The following SBF2 variants were observed in gnomAD, a reference collection of about 807,000 sequenced individuals.
SBF2 encodes the protein myotubularin-related protein 13.
In SBF2, 112 loss-of-function variants were observed where a neutral mutation model predicts 225.2. That is an observed-to-expected ratio of 0.50 (90% CI 0.43 to 0.58). SBF2 has a LOEUF of 0.58. SBF2 is among the 20% of genes least tolerant of loss of function. SBF2 has a pLI of 0.00. For synonymous variants in SBF2, 763 were observed against 773.3 expected (o/e 0.99, Z 0.22); for missense variants, 1,996 against 2,206.2 (o/e 0.90, Z 1.91).
At chr11:9,805,047 C>A (rs1178398998) in intron 32 of SBF2, among the ~76,000 whole-genome samples, 1 of 152,150 alleles carries the variant, frequency 6.6e-6, no homozygotes, top group Non-Finnish European at 1.5e-5. Context: ...GAGTTCAAGA[C>A]TAGCCTGGAC....
chr11:9,915,284 T>C (rs1018188449), intron 16 of SBF2, among the ~76,000 whole-genome samples: 2 of 151,770 alleles, frequency 1.3e-5, no homozygotes, highest in African/African-American at 4.8e-5. Flanking sequence ...CTATCTCTAC[T>C]AAAAATACAA....
intron 32 of SBF2, among the ~76,000 whole-genome samples, chr11:9,796,257 C>G (rs1478063403): frequency 6.6e-6 from 1 of 151,958 alleles, no homozygotes; most frequent in Non-Finnish European, 1.5e-5. Context: ...ATAGGATCAG[C>G]AAGATTAAGA....
At chr11:9,992,951 A>G (rs1565104578) in intron 11 of SBF2, 39 bp downstream of exon 11, 2 of 1,381,644 alleles carry the variant, frequency 1.4e-6, no homozygotes, top group Non-Finnish European at 2.0e-6. Context: ...AAATTAGAAT[A>G]TATTTTTTGG....
chr11:9,907,648 G>A (rs1411037614), intron 16 of SBF2, among the ~76,000 whole-genome samples: 1 of 152,200 alleles, frequency 6.6e-6, no homozygotes, highest in Non-Finnish European at 1.5e-5. Flanking sequence ...GAAGGTGAAT[G>A]CTAGGCTTGA....
chr11:9,952,608 G>C (rs1031619034), intron 16 of SBF2, among the ~76,000 whole-genome samples: 6 of 152,066 alleles, frequency 3.9e-5, no homozygotes, highest in Non-Finnish European at 5.9e-5. Flanking sequence ...CTCCTGTTCT[G>C]CCTGTGGGTT....
Position 10,225,178 on chromosome 11 carries a change from T to C in SBF2, c.56-31191A>G, listed in dbSNP as rs910582038. The stretch of plus-strand genomic sequence containing the variant: ...CCTCAGAATTAGGATGAAAAACAAC[T>C]GAACTTATATAAATTAAGAAACTCA... On this transcript the variant is annotated intron_variant, in intron 1 of 39. Coordinates refer to ENST00000256190, the MANE Select transcript of SBF2 (RefSeq NM_030962.4). 8.5e-5 allele frequency among the ~76,000 whole-genome samples: 13 copies of C among 152,244 alleles called. No individual in the cohort carries two copies. The East Asian group carries it at 2.3e-3, about 27-fold the overall frequency.
intron 17 of SBF2, 62 bp downstream of exon 17, chr11:9,895,881 A>T (rs1861210410): frequency 1.6e-6 from 2 of 1,241,494 alleles, no homozygotes; most frequent in Non-Finnish European, 2.4e-6. Flanking sequence ...TTCCATAATA[A>T]ATCAAACTGA....
intron 3 of SBF2, among the ~76,000 whole-genome samples, chr11:10,041,869 C>T (rs11828579): frequency 0.011 from 1,628 of 150,202 alleles, 32 homozygotes; most frequent in African/African-American, 0.037. Context: ...CTTCGAAGTC[C>T]CCTTTATGGT....
At chr11:9,886,147 T>G (rs901815276) in intron 17 of SBF2, among the ~76,000 whole-genome samples, 12 of 152,242 alleles carry the variant, frequency 7.9e-5, no homozygotes, top group Non-Finnish European at 1.6e-4. Context: ...ATAATTATGT[T>G]TCCTTTCTCA....
At chr11:9,797,612 C>T (rs1056162676) in intron 32 of SBF2, among the ~76,000 whole-genome samples, 5 of 152,184 alleles carry the variant, frequency 3.3e-5, no homozygotes, top group Non-Finnish European at 7.3e-5. Context: ...AGAGTTTTCT[C>T]ATCAGTGAAA....
At chr11:10,035,222 C>T (rs528737402) in intron 3 of SBF2, among the ~76,000 whole-genome samples, 30 of 152,238 alleles carry the variant, frequency 2.0e-4, no homozygotes, top group East Asian at 1.2e-3. Context: ...GATCTGCCCA[C>T]CTCGGCCTCC....
intron 28 of SBF2, chr11:9,828,521 A>G: frequency 1.0e-6 from 1 of 985,458 alleles, no homozygotes; most frequent in Non-Finnish European, 1.2e-6. Context: ...TGTTGAGCTA[A>G]TTCAAATAGC....
intron 17 of SBF2, among the ~76,000 whole-genome samples, chr11:9,889,867 T>A (rs1590343535): frequency 6.6e-6 from 1 of 152,300 alleles, no homozygotes; most frequent in East Asian, 1.9e-4. Flanking sequence ...GGTTTCTTTT[T>A]GGGGTGACAG....
chr11:9,888,160 A>G (rs1181400725), intron 17 of SBF2, among the ~76,000 whole-genome samples: 1 of 152,164 alleles, frequency 6.6e-6, no homozygotes, highest in Non-Finnish European at 1.5e-5. Context: ...TGAAATACAA[A>G]AGTGTATTTA....
intron 17 of SBF2, among the ~76,000 whole-genome samples, chr11:9,882,087 T>C (rs1859814725): frequency 6.6e-6 from 1 of 152,186 alleles, no homozygotes; most frequent in Non-Finnish European, 1.5e-5. Context: ...TTGTTAAACA[T>C]GCAATTCGGA....
intron 3 of SBF2, among the ~76,000 whole-genome samples, chr11:10,034,612 C>T (rs1949369504): frequency 6.6e-6 from 1 of 152,130 alleles, no homozygotes; most frequent in Admixed American, 6.5e-5. Context: ...TCATTTTTAA[C>T]AATACTGTAT....
intron 16 of SBF2, among the ~76,000 whole-genome samples, chr11:9,955,268 C>T (rs912264655): frequency 6.6e-6 from 1 of 151,978 alleles, no homozygotes; most frequent in Non-Finnish European, 1.5e-5. Flanking sequence ...ATAATCGTAA[C>T]AGGTTTTAGT....
At chr11:10,053,828 G>A (rs1317079636) in intron 2 of SBF2, among the ~76,000 whole-genome samples, 3 of 152,024 alleles carry the variant, frequency 2.0e-5, no homozygotes, top group South Asian at 4.1e-4. Context: ...GCTGGGGTAG[G>A]AGGATTGCTT....
intron 16 of SBF2, chr11:9,958,995 C>T: frequency 2.2e-6 from 2 of 896,524 alleles, no homozygotes; most frequent in Non-Finnish European, 3.6e-6. Context: ...TCTTGATGGC[C>T]TCCTCAATGT....
Sources: gnomAD v4.1 joint callset for allele counts (sites outside exome capture counted in the v4.1 genomes callset) on GRCh38, gnomAD v4.1.1 for gene constraint, MANE v1.5 for transcripts, NCBI Gene and HGNC (gene_info 2026-07-23, HGNC 2026-07-21) for gene names.